Variants in SCOC observed in about 807,000 individuals in gnomAD.
SCOC encodes the protein short coiled coil protein.
A neutral mutation model predicts 9.9 loss-of-function variants in SCOC; 7 were observed. The observed-to-expected ratio is 0.71, with a 90% CI of 0.40 to 1.33. SCOC has a LOEUF of 1.33. Ranked by LOEUF, SCOC falls within the 40% of genes most tolerant of loss-of-function variation. SCOC has a pLI of 0.01. For synonymous variants in SCOC, 19 were observed against 28.2 expected (o/e 0.67, Z 1.03); for missense variants, 66 against 89.7 (o/e 0.74, Z 1.07).
intron 1 of SCOC, among the ~76,000 whole-genome samples, chr4:140,271,917 G>A (rs1025371785): frequency 6.6e-6 from 1 of 152,148 alleles, no homozygotes; most frequent in Admixed American, 6.5e-5. Context: ...CCTTGGAAAG[G>A]TGGAATGAAC....
chr4:140,298,779 A>G, intron 1 of SCOC, among the ~76,000 whole-genome samples: 1 of 152,236 alleles, frequency 6.6e-6, no homozygotes, highest in Admixed American at 6.5e-5. Flanking sequence ...AAGGTGGACA[A>G]GAACTGATTT....
chr4:140,305,303 G>T (rs965004832), intron 1 of SCOC, among the ~76,000 whole-genome samples: 2 of 152,176 alleles, frequency 1.3e-5, no homozygotes, highest in Non-Finnish European at 2.9e-5. Context: ...AGTCTTTCTA[G>T]CTGAGGAAGT....
Position 140,375,156 on chromosome 4 carries a change from T to G in SCOC, c.-51+1439T>G, listed in dbSNP as rs1257656776. 2.6e-5 allele frequency among the ~76,000 whole-genome samples: 4 copies of G among 152,208 alleles called. No individual in the cohort carries two copies. In the South Asian group the frequency reaches 8.3e-4, roughly 32 times the overall value. ...AGTCTTGGCCCTGTTGCTAACTACT[T>G]CTGTGGTCTTCAGTAAGCCATTGTC... On this transcript the variant is annotated intron_variant, in intron 1 of 3. Transcript: ENST00000608372.
chr4:140,317,786 G>A (rs898683468), intron 1 of SCOC, among the ~76,000 whole-genome samples: 27 of 150,742 alleles, frequency 1.8e-4, no homozygotes, highest in Admixed American at 4.6e-4. Context: ...CCATGCTGGC[G>A]CGCTGCACCC....
intron 1 of SCOC, among the ~76,000 whole-genome samples, chr4:140,338,147 C>T (rs150255241): frequency 0.16 from 25,076 of 152,064 alleles, 2,367 homozygotes; most frequent in African/African-American, 0.24. Context: ...GTTCAATATA[C>T]GCAAATCAAT....
At chr4:140,322,197 C>T (rs1732519728) in intron 1 of SCOC, among the ~76,000 whole-genome samples, 1 of 152,160 alleles carries the variant, frequency 6.6e-6, no homozygotes, top group South Asian at 2.1e-4. Flanking sequence ...TGAGGTGTTG[C>T]TGTAATAAAT....
At chr4:140,276,604 C>T (rs189171311) in intron 1 of SCOC, among the ~76,000 whole-genome samples, 280 of 151,936 alleles carry the variant, frequency 1.8e-3, no homozygotes, top group African/African-American at 6.0e-3. Context: ...TACAGGTGTG[C>T]GCCACCACAC....
At chr4:140,343,596 C>G in intron 1 of SCOC, 3 of 1,508,394 alleles carry the variant, frequency 2.0e-6, no homozygotes, top group Non-Finnish European at 2.8e-6. Flanking sequence ...CTGCTTTTCT[C>G]TGCCCTCATT....
rs143676710 is a variant in SCOC, at chr4:140,355,616, T to A, written c.70+11908T>A. ...AATAAGGTGCCTGCATTGCAGGTACTGAATAATGAAATATGGTCCTCTAGT... is the reference window on the plus strand; with the variant it reads ...AATAAGGTGCCTGCATTGCAGGTACAGAATAATGAAATATGGTCCTCTAGT... On this transcript the variant is annotated intron_variant, in intron 2 of 4. Coordinates refer to the SCOC transcript ENST00000338517. Among the ~76,000 whole-genome samples, 107 of 152,326 alleles carry A rather than the reference T, an allele frequency of 7.0e-4. 1 individual carries two copies. In the East Asian group the frequency reaches 0.019, roughly 27 times the overall value.
intron 1 of SCOC, among the ~76,000 whole-genome samples, chr4:140,277,823 G>T (rs1044389277): frequency 1.3e-5 from 2 of 152,134 alleles, no homozygotes; most frequent in African/African-American, 4.8e-5. Flanking sequence ...GCCCAAATGG[G>T]AATTATCCTG....
chr4:140,360,786 G>C (rs1240576484), intron 2 of SCOC: 1 of 152,172 alleles, frequency 6.6e-6, no homozygotes, highest in African/African-American at 2.4e-5. Flanking sequence ...ACCCTCAAGG[G>C]ATTTAAGAAA....
At chr4:140,291,626 T>G in intron 1 of SCOC, 2 of 415,304 alleles carry the variant, frequency 4.8e-6, no homozygotes, top group Non-Finnish European at 9.8e-6. Context: ...AATGACCATG[T>G]ACCATGTACC....
intron 1 of SCOC, among the ~76,000 whole-genome samples, chr4:140,265,569 T>C (rs1426097629): frequency 6.6e-6 from 1 of 152,170 alleles, no homozygotes; most frequent in Non-Finnish European, 1.5e-5. Flanking sequence ...GGAAGTGAGG[T>C]CCAGAAACAG....
At chr4:140,272,347 G>C (rs942719370) in intron 1 of SCOC, among the ~76,000 whole-genome samples, 20 of 151,948 alleles carry the variant, frequency 1.3e-4, no homozygotes, top group African/African-American at 4.8e-4. Context: ...TAGCCACTGC[G>C]CCCAGCCTGT....
At chr4:140,314,692 G>A (rs1732259105) in intron 1 of SCOC, 1 of 152,272 alleles carries the variant, frequency 6.6e-6, no homozygotes, top group South Asian at 2.1e-4. Context: ...ATCTTAAGGG[G>A]AGAGGGAAGC....
chr4:140,303,733 C>T (rs1370125745), intron 1 of SCOC, among the ~76,000 whole-genome samples: 9 of 152,144 alleles, frequency 5.9e-5, no homozygotes, highest in Non-Finnish European at 2.9e-5. Flanking sequence ...AACGCCTGTG[C>T]AAATCCAGGT....
intron 1 of SCOC, among the ~76,000 whole-genome samples, chr4:140,322,143 T>C (rs112527873): frequency 3.3e-5 from 5 of 152,312 alleles, no homozygotes; most frequent in African/African-American, 4.8e-5. Context: ...TATTTTGTTA[T>C]AGTAGTCTAA....
chr4:140,362,281 C>CTTT lies in SCOC; in HGVS notation c.71-16838_71-16837insTTT, dbSNP rs1417863774. Among the ~76,000 whole-genome samples the CTTT allele has an allele frequency of 1.2e-4, 2 of 16,418 alleles. 1 individual carries two copies. The highest frequency in any genetic ancestry group is 1.1e-3 in the Admixed American group (2 of 1,740). The allele number at this position is 16,418 out of a possible 152,430, so 10.8% of individuals were successfully genotyped here. ...GCTAAAGACAGGTGTGTCCTTACTTCTTCTTCTTCTTCTTCTTCTTTTTTT... is the reference window on the plus strand; with the variant it reads ...GCTAAAGACAGGTGTGTCCTTACTTCTTTTTCTTCTTCTTCTTCTTCTTTTTTT... On this transcript the variant is annotated intron_variant, in intron 2 of 4. Coordinates refer to the SCOC transcript ENST00000338517.
intron 2 of SCOC, chr4:140,360,991 G>A (rs544255558): frequency 5.1e-4 from 78 of 151,740 alleles, no homozygotes; most frequent in African/African-American, 1.9e-3. Context: ...AAAGAAGGAG[G>A]AAGAAAAATA....
Sources: gnomAD v4.1 joint callset for allele counts (sites outside exome capture counted in the v4.1 genomes callset) on GRCh38, gnomAD v4.1.1 for gene constraint, MANE v1.5 for transcripts, NCBI Gene and HGNC (gene_info 2026-07-23, HGNC 2026-07-21) for gene names.